FNBP4: variants seen among roughly 807,000 people sequenced by gnomAD.
FNBP4 encodes formin-binding protein 4.
In FNBP4, 34 loss-of-function variants were observed where a neutral mutation model predicts 119.3. The observed-to-expected ratio is 0.28, with a 90% CI of 0.22 to 0.38. FNBP4 has a LOEUF of 0.38. FNBP4 is among the 10% of genes least tolerant of loss of function. The probability of loss-of-function intolerance (pLI) is 1.00; values close to 1 mark genes in which losing one functional copy is unlikely to be tolerated. For synonymous variants in FNBP4, 462 were observed against 430.6 expected (o/e 1.07, Z -0.90); for missense variants, 1,112 against 1,228.9 (o/e 0.90, Z 1.42).
At chr11:47,763,795 T>C (rs10838759) in intron 2 of FNBP4, among the ~76,000 whole-genome samples, 52,964 of 152,126 alleles carry the variant, frequency 0.35, 10,684 homozygotes, top group South Asian at 0.52. Context: ...CCACTGTGCC[T>C]GGCCCAGAGC....
chr11:47,756,813 C>T (rs1203252388), intron 2 of FNBP4, among the ~76,000 whole-genome samples: 7 of 151,928 alleles, frequency 4.6e-5, no homozygotes, highest in Middle Eastern at 3.4e-3. Flanking sequence ...TCTGTCCTTG[C>T]GATAGTTTGC....
At chr11:47,752,436 AAAAAC>A (rs1378212110) in intron 4 of FNBP4, among the ~76,000 whole-genome samples, 2 of 151,546 alleles carry the variant, frequency 1.3e-5, no homozygotes, top group Non-Finnish European at 2.9e-5. Flanking sequence ...AAAAAAAAAA[AAAAAC>A]AATTAAATAA....
chr11:47,753,248 G>T, intron 3 of FNBP4, 146 bp from the exon 4 acceptor site: 1 of 557,538 alleles, frequency 1.8e-6, no homozygotes. Context: ...GCTGAGACAG[G>T]TGGATCACTT....
chr11:47,721,565 G>A (rs2097555664), intron 15 of FNBP4, among the ~76,000 whole-genome samples: 2 of 152,046 alleles, frequency 1.3e-5, no homozygotes, highest in Non-Finnish European at 2.9e-5. Context: ...GCATGCCACT[G>A]CACACCAGCC....
intron 16 of FNBP4, among the ~76,000 whole-genome samples, chr11:47,719,146 C>T (rs2039627583): frequency 6.6e-6 from 1 of 152,222 alleles, no homozygotes. Context: ...CCTTGGCCTC[C>T]CAAAGTGCTG....
At position 47,750,913 on chromosome 11, in the gene FNBP4, G is replaced by A. The variant is rs1175779339; in HGVS notation, c.906+3C>T. 5.6e-6 allele frequency: 9 copies of A among 1,613,438 alleles called. No individual in the cohort carries two copies. In the Admixed American group the frequency reaches 6.7e-5, roughly 12 times the overall value. On this transcript the variant is annotated splice_donor_region_variant and intron_variant, in intron 6 of 16. Coordinates refer to ENST00000263773, the MANE Select transcript of FNBP4 (RefSeq NM_015308.5). ...AACAAATGAGGTAAGTTTCGACACT[G>A]ACCTTTTTAACTTCTCGCTTGGCTA...
At chr11:47,740,041 C>T (rs1052535100) in intron 8 of FNBP4, among the ~76,000 whole-genome samples, 1 of 151,958 alleles carries the variant, frequency 6.6e-6, no homozygotes, top group African/African-American at 2.4e-5. Context: ...CTCGGGTGAT[C>T]CGTCTGTCTC....
At chr11:47,761,522 A>G (rs1371542303) in intron 2 of FNBP4, among the ~76,000 whole-genome samples, 1 of 151,984 alleles carries the variant, frequency 6.6e-6, no homozygotes, top group Admixed American at 6.6e-5. Flanking sequence ...AACTCAGGCG[A>G]CGGAGGTTGC....
In FNBP4 at chr11:47,754,613, T is replaced by TAA; in HGVS notation, c.364_365insTT (p.Asp122ValfsTer7). Reference sequence around the variant, plus strand: ...GGATTGTGCTAGTTTTTCGGAAACATCATTGTCATCGTCATCACTGTCAGC... The same window carrying TAA: ...GGATTGTGCTAGTTTTTCGGAAACATAACATTGTCATCGTCATCACTGTCAGC... On this transcript the variant is annotated frameshift_variant, in exon 3 of 17. Coordinates refer to ENST00000263773, the MANE Select transcript of FNBP4 (RefSeq NM_015308.5). LOFTEE classifies it high-confidence loss of function. The TAA allele has an allele frequency of 6.2e-7, 1 of 1,614,150 alleles. No homozygotes were observed. The highest frequency in any genetic ancestry group is 8.5e-7 in the Non-Finnish European group (1 of 1,180,032).
chr11:47,746,380 T>G lies in FNBP4; in HGVS notation c.921A>C (p.Gly307=). 6.3e-7 allele frequency: 1 copy of G among 1,597,104 alleles called. No homozygotes were observed. Among genetic ancestry groups the G allele is most frequent in the Non-Finnish European group, 8.5e-7 (1 of 1,175,300 alleles). Residue 307 remains glycine (G), a synonymous_variant, in exon 7 of 17, where the codon GGA becomes GGC. Transcript: ENST00000263773. ...KREVKKEVNE[G]IQALSNSEEE... is the part of the protein sequence containing the mutation. ...CCTCACTATTTGAGAGAGCCTGAATTCCTTCATTTACTTCCTATAAAGAAC... is the reference window on the plus strand; with the variant it reads ...CCTCACTATTTGAGAGAGCCTGAATGCCTTCATTTACTTCCTATAAAGAAC...
chr11:47,744,248 G>T, intron 7 of FNBP4, 85 bp from the exon 8 acceptor site: 1 of 1,224,496 alleles, frequency 8.2e-7, no homozygotes. Flanking sequence ...CTATGTTGTT[G>T]AAATTTAAAT....
Position 47,717,380 on chromosome 11 carries a change from C to T in FNBP4, c.*42G>A. ...ACTGGTTAAGACTTTGAACTGAACA[C>T]AAAACAAACAATAATACAAAAAAGT... On this transcript the variant is annotated 3_prime_UTR_variant, in exon 17 of 17. Coordinates refer to ENST00000263773, the MANE Select transcript of FNBP4 (RefSeq NM_015308.5). 7.3e-7 allele frequency: 1 copy of T among 1,373,372 alleles called. No individual in the cohort carries two copies. Among genetic ancestry groups the T allele is most frequent in the Non-Finnish European group, 1.0e-6 (1 of 975,828 alleles). 85.1% of individuals were successfully genotyped at this position (1,373,372 alleles called of 1,614,324 possible).
At position 47,716,879 on chromosome 11, in the gene FNBP4, G is replaced by T. The variant is rs2097550574; in HGVS notation, c.*543C>A. The T allele has an allele frequency of 6.6e-6, 1 of 152,544 alleles. No homozygotes were observed. The highest frequency in any genetic ancestry group is 2.4e-5 in the African/African-American group (1 of 41,452). 9.4% of individuals were successfully genotyped at this position (152,544 alleles called of 1,614,324 possible). ...CTGTATGCCACCTAGTGTGCGAAAC[G>T]ACCGAGCTACCAGTTCTAGAACTTA... On this transcript the variant is annotated 3_prime_UTR_variant, in exon 17 of 17. Coordinates refer to ENST00000263773, the MANE Select transcript of FNBP4 (RefSeq NM_015308.5).
At chr11:47,722,099 C>G (rs1262154137) in intron 15 of FNBP4, among the ~76,000 whole-genome samples, 1 of 143,650 alleles carries the variant, frequency 7.0e-6, no homozygotes, top group Non-Finnish European at 1.5e-5. Context: ...CTTATCTACT[C>G]CCAAGCCACC....
chr11:47,756,419 C>T (rs1282290823), intron 2 of FNBP4, among the ~76,000 whole-genome samples: 4 of 152,292 alleles, frequency 2.6e-5, no homozygotes, highest in African/African-American at 9.6e-5. Context: ...ACATCCCATA[C>T]ATAAACTCAA....
chr11:47,755,541 G>A (rs756629026), intron 2 of FNBP4, among the ~76,000 whole-genome samples: 1 of 151,638 alleles, frequency 6.6e-6, no homozygotes, highest in Non-Finnish European at 1.5e-5. Flanking sequence ...CAACTTCTTC[G>A]GGAGGATCTG....
rs1448050214 is a variant in FNBP4, at chr11:47,723,238, C to T, written c.2543G>A (p.Gly848Glu). 6.2e-7 allele frequency: 1 copy of T among 1,614,022 alleles called. No homozygotes were observed. The highest frequency in any genetic ancestry group is 1.3e-5 in the African/African-American group (1 of 74,912). ...CATTCCTCTGGCCTGATGACCCATTCCTGCTGCTGGAAGGCTAACTGGTAT... is the reference window on the plus strand; with the variant it reads ...CATTCCTCTGGCCTGATGACCCATTTCTGCTGCTGGAAGGCTAACTGGTAT... ...QTIPVSLPAA[G>E]MGHQARGMSL... The change falls in exon 15 of 17, where the codon GGA becomes GAA. Residue 848 changes from glycine to glutamate, a missense_variant. Physicochemically the swap from Gly to Glu is moderately conservative, Grantham distance 98. Coordinates refer to ENST00000263773, the MANE Select transcript of FNBP4 (RefSeq NM_015308.5).
intron 7 of FNBP4, 79 bp from the exon 8 acceptor site, chr11:47,744,242 G>T: frequency 3.2e-6 from 4 of 1,254,662 alleles, no homozygotes; most frequent in South Asian, 1.4e-5. Context: ...ACAAGACTAT[G>T]TTGTTGAAAT....
At chr11:47,735,941 G>A (rs188398874) in intron 9 of FNBP4, among the ~76,000 whole-genome samples, 2 of 152,164 alleles carry the variant, frequency 1.3e-5, no homozygotes, top group Admixed American at 1.3e-4. Context: ...AGCCAGGCGT[G>A]GTGGCGGGCA....
Sources: gnomAD v4.1 joint callset for allele counts (sites outside exome capture counted in the v4.1 genomes callset) on GRCh38, gnomAD v4.1.1 for gene constraint, MANE v1.5 for transcripts, NCBI Gene and HGNC (gene_info 2026-07-23, HGNC 2026-07-21) for gene names.